Variants in SIPA1L3 observed in about 807,000 individuals in gnomAD.
SIPA1L3 encodes signal-induced proliferation-associated 1-like protein 3.
Under a neutral mutation model 150.1 loss-of-function variants are expected in SIPA1L3, and 59 were observed. The ratio of observed to expected loss-of-function variants is 0.39; its 90% confidence interval spans 0.32 to 0.49. The LOEUF (loss-of-function observed/expected upper bound fraction) is 0.49, where lower values mean the gene tolerates loss of function less well. Among genes scored for constraint, SIPA1L3 ranks in the 20% least tolerant of loss-of-function variants. SIPA1L3 has a pLI of 0.86. For missense variants in SIPA1L3, 2,211 were observed against 2,489.5 expected (o/e 0.89, Z 2.38); for synonymous variants, 1,070 against 1,077.6 (o/e 0.99, Z 0.14).
At position 38,164,630 on chromosome 19, in the gene SIPA1L3, T is replaced by C; in HGVS notation, c.3932T>C (p.Ile1311Thr). Residue 1311 changes from isoleucine to threonine, a missense_variant, in exon 15 of 22, where the codon ATC becomes ACC. By Grantham distance (89) the Ile-to-Thr change is moderately conservative. Around this residue, in one of 5 missense-constraint regions of SIPA1L3, gnomAD observed 806 missense variants for 870.1 expected, o/e 0.93. Transcript: ENST00000222345. The surrounding 1 kb of genome is among the most constrained non-coding windows in gnomAD (Gnocchi z 4.1). ...AAGGGTGGCTCTAGTGACAGCGGCA[T>C]CGACACCACCCTCTACACCTCCAGC... The part of the protein sequence containing the change: ...LSKGGSSDSG[I>T]DTTLYTSSPS... 1 of 1,613,808 alleles carries C rather than the reference T, an allele frequency of 6.2e-7. No individual in the cohort carries two copies. The highest frequency in any genetic ancestry group is 8.5e-7 in the Non-Finnish European group (1 of 1,179,912).
At chr19:37,990,614 C>T (rs2145634420) in intron 1 of SIPA1L3, among the ~76,000 whole-genome samples, 1 of 152,338 alleles carries the variant, frequency 6.6e-6, no homozygotes, top group South Asian at 2.1e-4. Flanking sequence ...GAACCCCGCC[C>T]CAGTCTGGGC....
At chr19:37,941,460 T>G (rs1457465823) in intron 1 of SIPA1L3, among the ~76,000 whole-genome samples, 8 of 146,422 alleles carry the variant, frequency 5.5e-5, no homozygotes, top group Non-Finnish European at 1.2e-4. Flanking sequence ...GTGTTTTTTT[T>G]TTTTTTTTTT....
At chr19:37,968,503 C>G (rs1361000546) in intron 1 of SIPA1L3, among the ~76,000 whole-genome samples, 1 of 152,140 alleles carries the variant, frequency 6.6e-6, no homozygotes, top group Non-Finnish European at 1.5e-5. Context: ...ATGTATAAAG[C>G]CTTCAGTGGT....
chr19:37,973,994 G>C (rs1016951188), intron 1 of SIPA1L3, among the ~76,000 whole-genome samples: 1 of 152,126 alleles, frequency 6.6e-6, no homozygotes, highest in Non-Finnish European at 1.5e-5. Context: ...TCAGGCCTCC[G>C]GCAGCAAATT....
chr19:38,081,766 C>T lies in SIPA1L3; in HGVS notation c.201C>T (p.Pro67=). The T allele has an allele frequency of 6.2e-7, 1 of 1,607,728 alleles. No homozygotes were observed. Among genetic ancestry groups the T allele is most frequent in the Non-Finnish European group, 8.5e-7 (1 of 1,177,984 alleles). ...CCACCGCCACCGCCACCACCCGCCC[C>T]AGCCCCACCACTCCCGCAATGCCCA... ...ATATATATTR[P]SPTTPAMPKM... Residue 67 remains proline, a synonymous_variant, in exon 3 of 22, where the codon CCC becomes CCT. Coordinates refer to ENST00000222345, the MANE Select transcript of SIPA1L3 (RefSeq NM_015073.3).
At chr19:37,965,779 A>G (rs940157821) in intron 1 of SIPA1L3, among the ~76,000 whole-genome samples, 7 of 135,884 alleles carry the variant, frequency 5.2e-5, no homozygotes, top group African/African-American at 1.2e-4. Flanking sequence ...TGATGTCGGT[A>G]TCATCAAATG....
intron 1 of SIPA1L3, among the ~76,000 whole-genome samples, chr19:37,937,740 T>TAAAAAA (rs1432360946): frequency 8.0e-5 from 1 of 12,448 alleles, no homozygotes; most frequent in African/African-American, 7.9e-4. Flanking sequence ...AAACCCTGTC[T>TAAAAAA]CAAAAAAAAA....
intron 4 of SIPA1L3, among the ~76,000 whole-genome samples, chr19:38,093,520 A>G (rs893323664): frequency 5.1e-4 from 77 of 152,284 alleles, no homozygotes; most frequent in Admixed American, 1.4e-3. Flanking sequence ...GGAAGTGATT[A>G]TGATCGGCAC....
intron 18 of SIPA1L3, among the ~76,000 whole-genome samples, chr19:38,196,634 T>A (rs1002399596): frequency 2.0e-5 from 2 of 99,148 alleles, no homozygotes; most frequent in East Asian, 3.3e-4. Flanking sequence ...AGGTCAAGGG[T>A]GGAGCATGGA....
At chr19:37,953,822 A>G (rs2046785538) in intron 1 of SIPA1L3, among the ~76,000 whole-genome samples, 1 of 152,154 alleles carries the variant, frequency 6.6e-6, no homozygotes, top group Non-Finnish European at 1.5e-5. Flanking sequence ...CCCCATGCTG[A>G]GTTCCTACAG....
At chr19:38,188,766 A>T (rs926332086) in intron 16 of SIPA1L3, among the ~76,000 whole-genome samples, 1 of 151,400 alleles carries the variant, frequency 6.6e-6, no homozygotes, top group Non-Finnish European at 1.5e-5. Context: ...ACTAAAAATT[A>T]AAAAAAATTA....
chr19:38,083,134 G>A, intron 3 of SIPA1L3, 35 bp downstream of exon 3: 1 of 1,571,572 alleles, frequency 6.4e-7, no homozygotes, highest in Non-Finnish European at 8.6e-7. Context: ...AGGTTGGGTG[G>A]GCCGAGGCTT....
At chr19:38,169,872 T>C (rs1413152767) in intron 15 of SIPA1L3, among the ~76,000 whole-genome samples, 1 of 149,502 alleles carries the variant, frequency 6.7e-6, no homozygotes, top group Non-Finnish European at 1.5e-5. Context: ...GGGCCCAGGC[T>C]AAGGGGTCAG....
Position 38,066,185 on chromosome 19 carries a change from A to T in SIPA1L3, c.-310-15071A>T, listed in dbSNP as rs115911538. Among the ~76,000 whole-genome samples, 245 of 149,610 alleles carry T rather than the reference A, an allele frequency of 1.6e-3. 1 individual carries two copies. The highest frequency in any genetic ancestry group is 5.8e-3 in the African/African-American group (231 of 39,690). ...GCACCACCACACCTGGCAAATTTTA[A>T]AAAAAAAATTTTTGTAGAGATAGGG... On this transcript the variant is annotated intron_variant, in intron 2 of 21. Transcript: ENST00000222345.
At chr19:37,925,895 T>C (rs2046499708) in intron 1 of SIPA1L3, among the ~76,000 whole-genome samples, 1 of 152,006 alleles carries the variant, frequency 6.6e-6, no homozygotes, top group Non-Finnish European at 1.5e-5. Context: ...CCCGGCCGAT[T>C]TATTACACTT....
chr19:37,934,019 C>T (rs1021967286), intron 1 of SIPA1L3, among the ~76,000 whole-genome samples: 19 of 152,210 alleles, frequency 1.2e-4, no homozygotes, highest in African/African-American at 4.6e-4. Flanking sequence ...TGAGCCATCT[C>T]CCCTGCTTTA....
intron 13 of SIPA1L3, among the ~76,000 whole-genome samples, chr19:38,153,842 G>T (rs1971882941): frequency 6.6e-6 from 1 of 151,982 alleles, no homozygotes; most frequent in Non-Finnish European, 1.5e-5. Context: ...GCTGAGGCAG[G>T]AGAATTGCTT....
chr19:37,955,391 CAA>C (rs35650003), intron 1 of SIPA1L3, among the ~76,000 whole-genome samples: 12 of 120,510 alleles, frequency 1.0e-4, no homozygotes, highest in Admixed American at 2.5e-4. Context: ...AACTCTGTCT[CAA>C]AAAAAAAAAA....
At chr19:38,100,609 A>G (rs1970478464) in intron 5 of SIPA1L3, among the ~76,000 whole-genome samples, 1 of 152,154 alleles carries the variant, frequency 6.6e-6, no homozygotes, top group African/African-American at 2.4e-5. Context: ...GTCACCAGTG[A>G]CCAGGGGGAT....
Sources: gnomAD v4.1 joint callset for allele counts (sites outside exome capture counted in the v4.1 genomes callset) on GRCh38, gnomAD v4.1.1 for gene constraint, gnomAD v4.1.1 regional missense constraint, Gnocchi (gnomAD v3.1) non-coding constraint, MANE v1.5 for transcripts, NCBI Gene and HGNC (gene_info 2026-07-23, HGNC 2026-07-21) for gene names.